DNM1: variants seen among roughly 807,000 people sequenced by gnomAD.
DNM1 encodes the protein dynamin 1.
A neutral mutation model predicts 104.6 loss-of-function variants in DNM1; 29 were observed. The ratio of observed to expected loss-of-function variants is 0.28; its 90% CI spans 0.21 to 0.38. The LOEUF (loss-of-function observed/expected upper bound fraction) is 0.38. DNM1 is among the 10% of genes least tolerant of loss of function. The pLI is 1.00. For missense variants in DNM1, 640 were observed against 1,189.4 expected, an observed-to-expected ratio of 0.54 and a Z score of 6.79; for synonymous variants, 445 against 475.8, an observed-to-expected ratio of 0.94 and a Z score of 0.84.
chr9:128,242,725 A>C (rs1442928472), intron 15 of DNM1, among the ~76,000 whole-genome samples: 4 of 151,866 alleles, frequency 2.6e-5, no homozygotes, highest in Non-Finnish European at 4.4e-5. Context: ...GCACCATTGC[A>C]CTCCAGCCTG....
At position 128,220,728 on chromosome 9, in the gene DNM1, T is replaced by C. The variant is rs9408980; in HGVS notation, c.849+387T>C. 0.63 allele frequency among the ~76,000 whole-genome samples: 71,467 copies of C among 113,466 alleles called. 18,678 individuals carry two copies. Among genetic ancestry groups the C allele is most frequent in the South Asian group, 0.72 (2,501 of 3,484 alleles). 74.4% of individuals were successfully genotyped at this position (113,466 alleles called of 152,430 possible). A position where few individuals can be genotyped will look rare whatever the true frequency, so the allele number is the denominator to read the frequency against. ...TGGAATGGGGCATCCAGAACTGAAGTGCGCGCGCGCGCGCGTGTGTGTGTG... is the reference window on the plus strand; with the variant it reads ...TGGAATGGGGCATCCAGAACTGAAGCGCGCGCGCGCGCGCGTGTGTGTGTG... On this transcript the variant is annotated intron_variant, in intron 6 of 21. Transcript: ENST00000372923. The surrounding 1 kb of genome is among the most constrained non-coding windows in gnomAD (Gnocchi z 5.2).
chr9:128,214,020 A>G (rs1294843652), intron 1 of DNM1, among the ~76,000 whole-genome samples: 1 of 151,908 alleles, frequency 6.6e-6, no homozygotes, highest in Non-Finnish European at 1.5e-5. Flanking sequence ...ACTCCCTTGC[A>G]GGCACCCCAA....
In DNM1 at chr9:128,220,215, C is replaced by T. The variant is rs1206459832; in HGVS notation, c.723C>T (p.Asp241=). ...YIGVVNRSQK[D]IDGKKDITAA... is the part of the protein sequence containing the mutation. ...GAGTGGTGAACCGGAGCCAGAAGGA[C>T]ATTGATGGCAAGAAGGACATTACCG... The change falls in exon 6 of 22, where the codon GAC becomes GAT. Residue 241 remains aspartate, a synonymous_variant. Coordinates refer to ENST00000372923, the MANE Select transcript of DNM1 (RefSeq NM_004408.4). The surrounding 1 kb of genome is among the most constrained non-coding windows in gnomAD (Gnocchi z 5.2). 1.2e-6 allele frequency: 2 copies of T among 1,614,046 alleles called. No homozygotes were observed. Among genetic ancestry groups the T allele is most frequent in the Non-Finnish European group, 1.7e-6 (2 of 1,180,054 alleles).
At chr9:128,221,185 A>C (rs1189730983) in intron 6 of DNM1, 1 of 151,426 alleles carries the variant, frequency 6.6e-6, no homozygotes, top group Admixed American at 6.6e-5. Context: ...TGCCTCCTGG[A>C]TTCAAGGGAT....
At chr9:128,227,266 G>T (rs1329323513) in intron 10 of DNM1, among the ~76,000 whole-genome samples, 1 of 151,644 alleles carries the variant, frequency 6.6e-6, no homozygotes, top group East Asian at 1.9e-4. Context: ...CACCTGCCTC[G>T]GCCTCCCAAA....
rs781185286 is a variant in DNM1 at position 128,218,285 on chromosome 9, G to T, written c.216G>T (p.Gln72His). 1.9e-6 allele frequency: 3 copies of T among 1,614,124 alleles called. No individual in the cohort carries two copies. ...GIVTRRPLVL[Q>H]LVNATTEYAE... ...TCACCCGACGTCCCCTGGTCTTGCA[G>T]CTGGTCAATGCAACCACAGGTACGT... Residue 72 changes from glutamine (Q) to histidine (H), a missense_variant, in exon 2 of 22, where the codon CAG becomes CAT. By Grantham distance (24) the Gln-to-His change is conservative. Around this residue, in one of 7 missense-constraint regions of DNM1, gnomAD observed 172 missense variants for 335.3 expected, o/e 0.51. Transcript: ENST00000372923. The surrounding 1 kb of genome is among the most constrained non-coding windows in gnomAD (Gnocchi z 4.8).
chr9:128,246,327 C>A, intron 15 of DNM1, 67 bp from the exon 16 acceptor site: 1 of 1,117,406 alleles, frequency 8.9e-7, no homozygotes, highest in South Asian at 1.2e-5. Context: ...CAGGGGGACT[C>A]TTAGAGAGTG....
rs1833636672 is a variant in DNM1 at position 128,203,701 on chromosome 9, T to G, written c.161+70T>G. The G allele has an allele frequency of 7.5e-7, 1 of 1,338,128 alleles. No homozygotes were observed. The allele number at this position is 1,338,128 out of a possible 1,614,324, so 82.9% of individuals were successfully genotyped here. On this transcript the variant is annotated intron_variant, in intron 1 of 21. Transcript: ENST00000372923. This position sits in a 1 kb window ranked among gnomAD's most constrained non-coding sequence, Gnocchi z 5.3. The stretch of plus-strand genomic sequence containing the variant: ...TCCCTGGAGTCCCCGCCCGGGGCAC[T>G]GACGGCGCGGCGACCTCGCAGCCCC...
In DNM1 at chr9:128,253,870, T is replaced by A. The variant is rs2131310354; in HGVS notation, c.2535-784T>A. 2.5e-6 allele frequency: 3 copies of A among 1,215,364 alleles called. No individual in the cohort carries two copies. In the East Asian group the frequency reaches 9.6e-5, roughly 39 times the overall value. 75.3% of individuals were successfully genotyped at this position (1,215,364 alleles called of 1,614,324 possible). A position where few individuals can be genotyped will look rare whatever the true frequency, so the allele number is the denominator to read the frequency against. ...TAGCCAGCCAGCGGGCTCACGCACC[T>A]TGGCCTGTTGCTCCTAGGGTCACTT... On this transcript the variant is annotated intron_variant, in intron 21 of 21. Coordinates refer to ENST00000372923, the MANE Select transcript of DNM1 (RefSeq NM_004408.4). This position sits in a 1 kb window ranked among gnomAD's most constrained non-coding sequence, Gnocchi z 5.9.
intron 11 of DNM1, among the ~76,000 whole-genome samples, chr9:128,237,077 C>T (rs566988037): frequency 6.6e-6 from 1 of 152,200 alleles, no homozygotes; most frequent in Non-Finnish European, 1.5e-5. Flanking sequence ...AGAAACGCTA[C>T]ATTTGTGGAC....
chr9:128,254,561 GCGGCCGGCC>G lies in DNM1; in HGVS notation c.2535-91_2535-83del. On this transcript the variant is annotated intron_variant, in intron 21 of 21. Coordinates refer to ENST00000372923, the MANE Select transcript of DNM1 (RefSeq NM_004408.4). The surrounding 1 kb of genome is among the most constrained non-coding windows in gnomAD (Gnocchi z 6.1). ...CCGGCCCTCCCACCACTGCTGCGGC[GCGGCCGGCC>G]CCGGCCGTGTGCTGCGCTTGCCTTA... The G allele has an allele frequency of 2.6e-6, 4 of 1,566,754 alleles. No individual in the cohort carries two copies. The highest frequency in any genetic ancestry group is 1.1e-5 in the South Asian group (1 of 90,028).
rs151084117 is a variant in DNM1, at chr9:128,245,564, G to A, written c.1672-830G>A. Among the ~76,000 whole-genome samples, 1 of 152,050 alleles carries A rather than the reference G, an allele frequency of 6.6e-6. No homozygotes were observed. The highest frequency in any genetic ancestry group is 2.4e-5 in the African/African-American group (1 of 41,458). Reference sequence around the variant, plus strand: ...CACACATGGGCCTAGCACCCCACACGCCTGTGCACAGATACACATAACTCC... The same window carrying A: ...CACACATGGGCCTAGCACCCCACACACCTGTGCACAGATACACATAACTCC... On this transcript the variant is annotated intron_variant, in intron 15 of 21. Transcript: ENST00000372923. The surrounding 1 kb of genome is among the most constrained non-coding windows in gnomAD (Gnocchi z 5.2).
At chr9:128,214,668 G>GT (rs1372874790) in intron 1 of DNM1, among the ~76,000 whole-genome samples, 1 of 152,196 alleles carries the variant, frequency 6.6e-6, no homozygotes, top group African/African-American at 2.4e-5. Context: ...CCTGAGAGGT[G>GT]TTTGTTTCGT....
Position 128,240,028 on chromosome 9 carries a change from G to A in DNM1, c.1557+32G>A. On this transcript the variant is annotated intron_variant, in intron 14 of 21. Transcript: ENST00000372923. This position sits in a 1 kb window ranked among gnomAD's most constrained non-coding sequence, Gnocchi z 5.1. ...ACCAGGACTGGGGCTCTCGGCTTGT[G>A]TAGTGAGGGGGCGGAGGGTCCATCG... The A allele has an allele frequency of 1.9e-6, 3 of 1,613,896 alleles. No homozygotes were observed. The highest frequency in any genetic ancestry group is 1.1e-5 in the South Asian group (1 of 91,074).
chr9:128,209,477 A>AT (rs1834165472), intron 1 of DNM1, among the ~76,000 whole-genome samples: 1 of 152,170 alleles, frequency 6.6e-6, no homozygotes, highest in Admixed American at 6.5e-5. Context: ...GGACGCCCAC[A>AT]TGCCATATGT....
At chr9:128,206,498 A>G (rs1052618940) in intron 1 of DNM1, among the ~76,000 whole-genome samples, 11 of 152,200 alleles carry the variant, frequency 7.2e-5, no homozygotes, top group African/African-American at 2.4e-4. Flanking sequence ...GGAGAAACTC[A>G]GAAGACAACT....
Position 128,245,321 on chromosome 9 carries a change from T to C in DNM1, c.1672-1073T>C, listed in dbSNP as rs1588443590. Among the ~76,000 whole-genome samples the C allele has an allele frequency of 6.6e-6, 1 of 151,802 alleles. No homozygotes were observed. The highest frequency in any genetic ancestry group is 1.9e-4 in the East Asian group (1 of 5,158). On this transcript the variant is annotated intron_variant, in intron 15 of 21. Coordinates refer to ENST00000372923, the MANE Select transcript of DNM1 (RefSeq NM_004408.4). This position sits in a 1 kb window ranked among gnomAD's most constrained non-coding sequence, Gnocchi z 5.2. The stretch of plus-strand genomic sequence containing the variant: ...CCAGGACGGGGGAGCAAGGTCCCCC[T>C]AAACCCAGCCCCCCACCTGAGATCC...
chr9:128,218,689 A>C lies in DNM1; in HGVS notation c.343A>C (p.Ile115Leu). Residue 115 changes from isoleucine to leucine, a missense_variant, in exon 3 of 22, where the codon ATC (isoleucine) becomes CTC (leucine). Ile to Leu is a conservative substitution (Grantham distance 5). Coordinates refer to ENST00000372923, the MANE Select transcript of DNM1 (RefSeq NM_004408.4). The surrounding 1 kb of genome is among the most constrained non-coding windows in gnomAD (Gnocchi z 4.8). Reference protein sequence around the residue: ...TDRVTGTNKGISPVPINLRVY... With the variant: ...TDRVTGTNKGLSPVPINLRVY... ...CAGGGTCACCGGCACCAACAAGGGC[A>C]TCTCGCCGGTGCCTATCAACCTCCG... 6.2e-7 allele frequency: 1 copy of C among 1,612,252 alleles called. No individual in the cohort carries two copies. Among genetic ancestry groups the C allele is most frequent in the Non-Finnish European group, 8.5e-7 (1 of 1,178,746 alleles).
At chr9:128,211,672 G>A (rs1834310829) in intron 1 of DNM1, among the ~76,000 whole-genome samples, 1 of 151,882 alleles carries the variant, frequency 6.6e-6, no homozygotes, top group Non-Finnish European at 1.5e-5. Context: ...CTGGCCCCTG[G>A]AAAGCTCTTC....
Sources: allele counts gnomAD v4.1 joint callset (sites outside exome capture counted in the v4.1 genomes callset), GRCh38; gene constraint gnomAD v4.1.1; regional missense constraint gnomAD v4.1.1; non-coding constraint Gnocchi (gnomAD v3.1); transcripts MANE v1.5; gene names NCBI Gene and HGNC (gene_info 2026-07-23, HGNC 2026-07-21).